The following OPCML variants were observed in gnomAD, a reference collection of about 807,000 sequenced individuals.
OPCML encodes the protein opioid binding protein/cell adhesion molecule like.
OPCML carries 13 observed loss-of-function variants against 37.8 expected under a neutral mutation model. The ratio of observed to expected loss-of-function variants is 0.34; its 90% CI spans 0.22 to 0.55. The LOEUF (loss-of-function observed/expected upper bound fraction) is 0.55. Ranked by LOEUF, OPCML falls within the 20% of genes least tolerant of loss-of-function variation. OPCML has a pLI of 0.91. For synonymous variants in OPCML, 176 were observed against 168.8 expected (o/e 1.04, Z -0.33); for missense variants, 341 against 435.6 (o/e 0.78, Z 1.93).
intron 1 of OPCML, among the ~76,000 whole-genome samples, chr11:133,385,838 G>A (rs776758415): frequency 1.2e-4 from 19 of 152,162 alleles, no homozygotes; most frequent in Non-Finnish European, 2.1e-4. Context: ...CTTCTAGAGA[G>A]GATGGAGAAG....
chr11:132,441,948 A>G (rs753162229), intron 4 of OPCML, among the ~76,000 whole-genome samples: 24 of 152,276 alleles, frequency 1.6e-4, no homozygotes, highest in African/African-American at 1.9e-4. Context: ...AACATCCACA[A>G]GCAGGGTCTG....
intron 1 of OPCML, chr11:133,006,018 G>T: frequency 5.1e-6 from 5 of 985,342 alleles, no homozygotes; most frequent in Non-Finnish European, 6.0e-6. Context: ...CCTTCTGAGC[G>T]GAGTGTGGCC....
At chr11:133,098,437 G>A (rs990005213) in intron 1 of OPCML, among the ~76,000 whole-genome samples, 3 of 151,936 alleles carry the variant, frequency 2.0e-5, no homozygotes, top group Admixed American at 1.3e-4. Context: ...GGATGGTCTC[G>A]GTTTCCTGAC....
intron 1 of OPCML, among the ~76,000 whole-genome samples, chr11:133,018,638 C>T (rs117583979): frequency 6.6e-6 from 1 of 152,214 alleles, no homozygotes; most frequent in Admixed American, 6.5e-5. Flanking sequence ...GTCCATTGTG[C>T]GGTTGCTGGT....
rs76423028 is a variant in OPCML, at chr11:132,607,364, T to C, written c.379+49723A>G. Among the ~76,000 whole-genome samples, 851 of 152,302 alleles carry C rather than the reference T, an allele frequency of 5.6e-3. 2 individuals carry two copies. The highest frequency in any genetic ancestry group is 0.019 in the African/African-American group (806 of 41,562). On this transcript the variant is annotated intron_variant, in intron 3 of 7. Coordinates refer to ENST00000524381, the MANE Select transcript of OPCML (RefSeq NM_001012393.5). ...AATCTATAACTGGACTGTAGGTTCT[T>C]TGAACACGAAGTATGGAGGCCAGGA...
At chr11:133,453,279 G>A (rs1441017992) in intron 1 of OPCML, among the ~76,000 whole-genome samples, 1 of 152,140 alleles carries the variant, frequency 6.6e-6, no homozygotes, top group Admixed American at 6.5e-5. Context: ...ATCAGAATGA[G>A]GTTCTGTTCT....
intron 1 of OPCML, among the ~76,000 whole-genome samples, chr11:133,207,755 A>AATGCT (rs1592104838): frequency 6.6e-6 from 1 of 152,264 alleles, no homozygotes; most frequent in East Asian, 1.9e-4. Context: ...CAGATTGTCA[A>AATGCT]ATGCTATTTG....
intron 3 of OPCML, among the ~76,000 whole-genome samples, chr11:132,642,544 A>T (rs1039942779): frequency 6.6e-6 from 1 of 152,244 alleles, no homozygotes; most frequent in Admixed American, 6.5e-5. Flanking sequence ...CTTTTATGTG[A>T]TAAAATCATA....
chr11:132,804,387 A>G (rs1304668117), intron 2 of OPCML, among the ~76,000 whole-genome samples: 2 of 152,194 alleles, frequency 1.3e-5, no homozygotes, highest in Non-Finnish European at 1.5e-5. Flanking sequence ...GCAACTGTGA[A>G]AAGGAAGCCT....
chr11:133,269,772 T>C (rs1941770758), intron 1 of OPCML, among the ~76,000 whole-genome samples: 1 of 152,194 alleles, frequency 6.6e-6, no homozygotes, highest in South Asian at 2.1e-4. Flanking sequence ...GCATTATCGA[T>C]AAGATTACCT....
At chr11:133,362,478 G>T (rs939934734) in intron 1 of OPCML, among the ~76,000 whole-genome samples, 1 of 152,144 alleles carries the variant, frequency 6.6e-6, no homozygotes, top group Non-Finnish European at 1.5e-5. Flanking sequence ...TTAGGCCTCC[G>T]GGGAAGTGAG....
At chr11:133,294,572 T>C (rs1186750243) in intron 1 of OPCML, among the ~76,000 whole-genome samples, 2 of 151,990 alleles carry the variant, frequency 1.3e-5, no homozygotes, top group Non-Finnish European at 2.9e-5. Flanking sequence ...ATGGACTTCT[T>C]CATGAGGAGG....
chr11:132,460,217 CT>C lies in OPCML; in HGVS notation c.506-22859del, dbSNP rs373091565. On this transcript the variant is annotated intron_variant, in intron 4 of 7. Transcript: ENST00000524381. ...CAAGAATATTCTTAAGTTAAAGTGA[CT>C]TTTTTTTTTTTTACTGTGAGTTTGT... Among the ~76,000 whole-genome samples the C allele has an allele frequency of 9.5e-3, 1,379 of 144,816 alleles. 5 individuals are homozygous for C. The highest frequency in any genetic ancestry group is 0.02 in the African/African-American group (816 of 40,168).
In OPCML at chr11:133,516,242, A is replaced by G. The variant is rs923365268; in HGVS notation, c.61+16022T>C. On this transcript the variant is annotated intron_variant, in intron 1 of 7. Coordinates refer to ENST00000524381, the MANE Select transcript of OPCML (RefSeq NM_001012393.5). ...CTGGAGAGGCTTCGTGTCAGTCTCC[A>G]TCAGAGGAGACGCATCTCCCACCAG... is the stretch of plus-strand genomic sequence containing the variant. Among the ~76,000 whole-genome samples, 10 of 152,286 alleles carry G rather than the reference A, an allele frequency of 6.6e-5. 1 individual carries two copies. Among genetic ancestry groups the G allele is most frequent in the African/African-American group, 1.9e-4 (8 of 41,562 alleles).
intron 3 of OPCML, among the ~76,000 whole-genome samples, chr11:132,618,769 CTA>C (rs1018215352): frequency 1.3e-5 from 2 of 152,160 alleles, no homozygotes; most frequent in East Asian, 1.9e-4. Context: ...CATCACCACT[CTA>C]TGTCTCCAGA....
chr11:132,774,590 G>A (rs1318071911), intron 2 of OPCML, among the ~76,000 whole-genome samples: 1 of 152,158 alleles, frequency 6.6e-6, no homozygotes, highest in East Asian at 1.9e-4. Context: ...CAATCTCAAA[G>A]GGGCTGCATG....
At chr11:133,035,497 A>C (rs896830599) in intron 1 of OPCML, among the ~76,000 whole-genome samples, 1 of 152,210 alleles carries the variant, frequency 6.6e-6, no homozygotes, top group Non-Finnish European at 1.5e-5. Context: ...ATTGAGCCAG[A>C]ACAGATCTAG....
intron 2 of OPCML, among the ~76,000 whole-genome samples, chr11:132,896,757 A>G (rs1943866108): frequency 6.6e-6 from 1 of 152,216 alleles, no homozygotes; most frequent in Admixed American, 6.5e-5. Flanking sequence ...AGTAGAAACT[A>G]CTGTGGACTT....
chr11:133,065,494 G>C (rs188024023), intron 1 of OPCML: 1 of 152,248 alleles, frequency 6.6e-6, no homozygotes, highest in Non-Finnish European at 1.5e-5. Flanking sequence ...ACAAGCCGTT[G>C]TTACACGATA....
Sources: gnomAD v4.1 joint callset for allele counts (sites outside exome capture counted in the v4.1 genomes callset) on GRCh38, gnomAD v4.1.1 for gene constraint, MANE v1.5 for transcripts, NCBI Gene and HGNC (gene_info 2026-07-23, HGNC 2026-07-21) for gene names.